The following SFMBT1 variants were observed in gnomAD, a reference collection of about 807,000 sequenced individuals.
SFMBT1 encodes the protein Scm like with four mbt domains 1.
In SFMBT1, 32 loss-of-function variants were observed where a neutral mutation model predicts 108.7. The ratio of observed to expected loss-of-function variants is 0.29; its 90% CI spans 0.22 to 0.40. The LOEUF is 0.40. SFMBT1 is among the 10% of genes least tolerant of loss of function. The probability of loss-of-function intolerance (pLI) is 1.00; values close to 1 mark genes in which losing one functional copy is unlikely to be tolerated. For missense variants in SFMBT1, 816 were observed against 1,059.6 expected, an observed-to-expected ratio of 0.77 and a Z score of 3.19; for synonymous variants, 348 against 369.5, an observed-to-expected ratio of 0.94 and a Z score of 0.67.
At chr3:52,918,370 G>A in intron 13 of SFMBT1, 114 bp downstream of exon 13, 1 of 770,180 alleles carries the variant, frequency 1.3e-6, no homozygotes, top group Non-Finnish European at 2.0e-6. Context: ...ATGATCAAAT[G>A]TTGAATTAAA....
At chr3:52,948,389 G>C (rs1462785979) in intron 3 of SFMBT1, among the ~76,000 whole-genome samples, 1 of 151,852 alleles carries the variant, frequency 6.6e-6, no homozygotes, top group Admixed American at 6.6e-5. Context: ...AGGTGTGTCT[G>C]GCTACCCTTG....
At chr3:52,958,395 A>G (rs1703853889) in intron 2 of SFMBT1, among the ~76,000 whole-genome samples, 1 of 152,214 alleles carries the variant, frequency 6.6e-6, no homozygotes, top group Non-Finnish European at 1.5e-5. Context: ...ATTCAAGACC[A>G]GCCTGGCTAA....
At chr3:52,965,485 G>A (rs1010808525) in intron 2 of SFMBT1, among the ~76,000 whole-genome samples, 8 of 151,878 alleles carry the variant, frequency 5.3e-5, no homozygotes, top group African/African-American at 1.7e-4. Flanking sequence ...AAAGCAAAGC[G>A]TTGCGGGTGG....
At chr3:53,038,077 C>A (rs1239933145) in intron 1 of SFMBT1, among the ~76,000 whole-genome samples, 1 of 152,054 alleles carries the variant, frequency 6.6e-6, no homozygotes, top group Non-Finnish European at 1.5e-5. Flanking sequence ...GCACTCCAGC[C>A]TGGGCAACAA....
chr3:53,003,000 T>C (rs1698612031), intron 1 of SFMBT1, among the ~76,000 whole-genome samples: 1 of 148,200 alleles, frequency 6.7e-6, no homozygotes, highest in Non-Finnish European at 1.5e-5. Context: ...CACATGCTTG[T>C]AATCCCAGCT....
intron 1 of SFMBT1, among the ~76,000 whole-genome samples, chr3:53,024,329 T>C (rs1699412783): frequency 6.7e-6 from 1 of 150,086 alleles, no homozygotes; most frequent in African/African-American, 2.5e-5. Context: ...GGGAGCTAGT[T>C]ACTCACATAA....
At chr3:52,927,869 C>T (rs896391797) in intron 9 of SFMBT1, among the ~76,000 whole-genome samples, 1 of 152,120 alleles carries the variant, frequency 6.6e-6, no homozygotes, top group Non-Finnish European at 1.5e-5. Flanking sequence ...CCTCTGCCAC[C>T]CCTAACAGAC....
chr3:53,003,198 A>G (rs995016562), intron 1 of SFMBT1, among the ~76,000 whole-genome samples: 13 of 149,068 alleles, frequency 8.7e-5, no homozygotes, highest in Non-Finnish European at 1.5e-5. Context: ...TTATATTCCA[A>G]TTTCAAAAGA....
Position 53,020,242 on chromosome 3 carries a change from G to A in SFMBT1, c.-131+25574C>T, listed in dbSNP as rs924223614. 3.3e-5 allele frequency among the ~76,000 whole-genome samples: 5 copies of A among 151,850 alleles called. No individual in the cohort carries two copies. The South Asian group carries it at 8.3e-4, about 25-fold the overall frequency. On this transcript the variant is annotated intron_variant, in intron 1 of 20. Transcript: ENST00000394752. ...CGTCTCTACTAAAAACACAAAAATTGGCCAGGCATGGTGGTGCATGCCTGT... is the reference window on the plus strand; with the variant it reads ...CGTCTCTACTAAAAACACAAAAATTAGCCAGGCATGGTGGTGCATGCCTGT...
At chr3:52,975,101 T>A (rs1159795308) in intron 1 of SFMBT1, among the ~76,000 whole-genome samples, 1 of 150,874 alleles carries the variant, frequency 6.6e-6, no homozygotes, top group Non-Finnish European at 1.5e-5. Flanking sequence ...ACTAATAAAT[T>A]TATAAAACCA....
At chr3:52,972,686 T>A (rs1013726147) in intron 1 of SFMBT1, among the ~76,000 whole-genome samples, 1 of 150,272 alleles carries the variant, frequency 6.7e-6, no homozygotes, top group Admixed American at 6.7e-5. Context: ...GGCAGGTGGA[T>A]TGCTTGAGAT....
At position 53,003,150 on chromosome 3, in the gene SFMBT1, G is replaced by A. The variant is rs1444165036; in HGVS notation, c.-130-33892C>T. Among the ~76,000 whole-genome samples, 2 of 146,050 alleles carry A rather than the reference G, an allele frequency of 1.4e-5. 1 individual carries two copies. Among genetic ancestry groups the A allele is most frequent in the Non-Finnish European group, 3.0e-5 (2 of 65,702 alleles). On this transcript the variant is annotated intron_variant, in intron 1 of 20. Coordinates refer to ENST00000394752, the MANE Select transcript of SFMBT1 (RefSeq NM_016329.4). ...AAAAAAAAAAAAAAAAAAAAAGATG[G>A]TGTTTAAATTTTTATTCCAGGAACA... is the stretch of plus-strand genomic sequence containing the variant.
intron 8 of SFMBT1, among the ~76,000 whole-genome samples, chr3:52,929,158 G>A (rs975025158): frequency 1.3e-5 from 2 of 152,190 alleles, no homozygotes; most frequent in Non-Finnish European, 2.9e-5. Flanking sequence ...TAAGCTTAGT[G>A]ACAAACTTAG....
At chr3:52,988,517 T>G (rs1705008422) in intron 1 of SFMBT1, among the ~76,000 whole-genome samples, 1 of 152,192 alleles carries the variant, frequency 6.6e-6, no homozygotes, top group Non-Finnish European at 1.5e-5. Context: ...GAATGTCTGC[T>G]GCAAAACACT....
intron 1 of SFMBT1, among the ~76,000 whole-genome samples, chr3:52,984,715 T>TATACTATACTAA (rs996571267): frequency 4.5e-4 from 8 of 17,886 alleles, no homozygotes; most frequent in African/African-American, 8.2e-4. Flanking sequence ...TACTGAATAC[T>TATACTATACTAA]ATACTAAATA....
In SFMBT1 at chr3:52,903,712, A is replaced by T. The variant is rs1483833280; in HGVS notation, c.*1424T>A. On this transcript the variant is annotated 3_prime_UTR_variant, in exon 21 of 21. Transcript: ENST00000394752. The stretch of plus-strand genomic sequence containing the variant: ...TAGGATAAAAAAAATTCAGCAAAGC[A>T]AACCATTTAAGGGAGACAACCTATG... 1 of 152,250 alleles carries T rather than the reference A, an allele frequency of 6.6e-6. No homozygotes were observed. Among genetic ancestry groups the T allele is most frequent in the African/African-American group, 2.4e-5 (1 of 41,470 alleles). The allele number at this position is 152,250 out of a possible 1,614,324, so 9.4% of individuals were successfully genotyped here.
chr3:53,013,129 T>A lies in SFMBT1; in HGVS notation c.-131+32687A>T, dbSNP rs369231375. 3.3e-5 allele frequency among the ~76,000 whole-genome samples: 5 copies of A among 151,936 alleles called. No homozygotes were observed. In the East Asian group the frequency reaches 9.6e-4, roughly 29 times the overall value. On this transcript the variant is annotated intron_variant, in intron 1 of 20. Transcript: ENST00000394752. Reference sequence around the variant, plus strand: ...GAATTGTGGAGCTACTGGATTTGATTATAATGTTGGCAAAAACACTTGCTG... The same window carrying A: ...GAATTGTGGAGCTACTGGATTTGATAATAATGTTGGCAAAAACACTTGCTG...
At chr3:52,906,985 A>G (rs1702079358) in intron 19 of SFMBT1, 84 bp downstream of exon 19, 1 of 1,476,166 alleles carries the variant, frequency 6.8e-7, no homozygotes, top group African/African-American at 1.4e-5. Context: ...AAAGAAGTAG[A>G]ATGTCAATAT....
intron 1 of SFMBT1, chr3:53,045,360 G>C (rs1308093857): frequency 7.0e-6 from 1 of 143,750 alleles, no homozygotes; most frequent in Non-Finnish European, 1.5e-5. Flanking sequence ...GGGGCTCGGC[G>C]GGCGGAGCGC....
Sources: allele counts gnomAD v4.1 joint callset (sites outside exome capture counted in the v4.1 genomes callset), GRCh38; gene constraint gnomAD v4.1.1; transcripts MANE v1.5; gene names NCBI Gene and HGNC (gene_info 2026-07-23, HGNC 2026-07-21).